The following TTLL7 variants were observed in gnomAD, a reference collection of about 807,000 sequenced individuals.
TTLL7 encodes tubulin tyrosine ligase like 7, also known as tubulin polyglutamylase TTLL7.
In TTLL7, 53 loss-of-function variants were observed where a neutral mutation model predicts 120.2. That is an observed-to-expected ratio of 0.44 (90% confidence interval 0.35 to 0.55). TTLL7 has a LOEUF of 0.55. Among genes scored for constraint, TTLL7 ranks in the 20% least tolerant of loss-of-function variants. TTLL7 has a pLI of 0.00. For synonymous variants in TTLL7, 353 were observed against 351.7 expected (o/e 1.00, Z -0.04); for missense variants, 803 against 1,054.7 (o/e 0.76, Z 3.31).
chr1:83,924,429 T>C (rs1371917091), intron 10 of TTLL7, among the ~76,000 whole-genome samples: 1 of 152,188 alleles, frequency 6.6e-6, no homozygotes, highest in Non-Finnish European at 1.5e-5. Context: ...ATTGAAGAAC[T>C]TGAAAACATT....
chr1:83,970,455 G>A (rs941328972), intron 1 of TTLL7, among the ~76,000 whole-genome samples: 1 of 152,054 alleles, frequency 6.6e-6, no homozygotes, highest in Non-Finnish European at 1.5e-5. Flanking sequence ...CCTTAGAAAT[G>A]AACAGAAAGA....
chr1:83,947,482 A>T, intron 5 of TTLL7, 200 bp from the exon 6 acceptor site: 1 of 463,972 alleles, frequency 2.2e-6, no homozygotes, highest in Non-Finnish European at 3.7e-6. Context: ...TGGATTCATC[A>T]GTGAAAAAAA....
chr1:83,883,107 C>T lies in TTLL7; in HGVS notation c.2399G>A (p.Ser800Asn), dbSNP rs2100710530. The T allele has an allele frequency of 6.2e-7, 1 of 1,609,302 alleles. No homozygotes were observed. Among genetic ancestry groups the T allele is most frequent in the Non-Finnish European group, 8.5e-7 (1 of 1,177,826 alleles). Residue 800 changes from serine to asparagine, a missense_variant, in exon 20 of 21, where the codon AGC (serine) becomes AAC (asparagine). Around this residue, in one of 3 missense-constraint regions of TTLL7, gnomAD observed 388 missense variants for 450.4 expected, o/e 0.86. Coordinates refer to ENST00000260505, the MANE Select transcript of TTLL7 (RefSeq NM_024686.6). Reference protein sequence around the residue: ...GSSWESIFNKSPEVVTPLQLQ... With the variant: ...GSSWESIFNKNPEVVTPLQLQ... ...CTGCAAAGGAGTCACCACCTCCGGG[C>T]TTTTATTGAATATACTCTCCCAAGA...
intron 4 of TTLL7, chr1:83,949,455 T>C (rs1234181581): frequency 6.0e-6 from 1 of 165,342 alleles, no homozygotes; most frequent in African/African-American, 2.4e-5. Flanking sequence ...GCCTCCTGAG[T>C]AGCTGGGACT....
At chr1:83,925,036 A>C (rs539397055) in intron 10 of TTLL7, among the ~76,000 whole-genome samples, 1 of 152,304 alleles carries the variant, frequency 6.6e-6, no homozygotes, top group Admixed American at 6.5e-5. Context: ...AGAGTATCAG[A>C]GCTTATAAAT....
At chr1:83,879,450 G>T (rs535545702) in intron 20 of TTLL7, among the ~76,000 whole-genome samples, 19 of 152,064 alleles carry the variant, frequency 1.2e-4, no homozygotes, top group Admixed American at 9.9e-4. Flanking sequence ...CTGCCTTTCT[G>T]CAGTGAGGAT....
intron 1 of TTLL7, among the ~76,000 whole-genome samples, chr1:83,962,873 G>A (rs1312024605): frequency 6.6e-6 from 1 of 152,120 alleles, no homozygotes; most frequent in East Asian, 1.9e-4. Flanking sequence ...TCCAGAGAAA[G>A]TAAACCTCCA....
chr1:83,884,435 T>C (rs1654796196), intron 19 of TTLL7, among the ~76,000 whole-genome samples: 1 of 151,884 alleles, frequency 6.6e-6, no homozygotes, highest in Non-Finnish European at 1.5e-5. Flanking sequence ...AATAGAAATG[T>C]ATTTTTTCTA....
intron 1 of TTLL7, among the ~76,000 whole-genome samples, chr1:83,972,319 GT>G: frequency 1.3e-5 from 2 of 152,030 alleles, no homozygotes; most frequent in Middle Eastern, 3.4e-3. Context: ...TATCTCCACA[GT>G]TTTGTCTTTT....
At position 83,937,173 on chromosome 1, in the gene TTLL7, T is replaced by C. The variant is rs116072334; in HGVS notation, c.888+679A>G. Among the ~76,000 whole-genome samples the C allele has an allele frequency of 5.1e-3, 771 of 152,160 alleles. 4 individuals carry two copies. Among genetic ancestry groups the C allele is most frequent in the African/African-American group, 0.018 (728 of 41,520 alleles). On this transcript the variant is annotated intron_variant, in intron 8 of 20. Coordinates refer to ENST00000260505, the MANE Select transcript of TTLL7 (RefSeq NM_024686.6). ...TTTAGATATACAATCTTTACCATTG[T>C]ATTACAATCGCCTACACTATTCAGT... is the stretch of plus-strand genomic sequence containing the variant.
intron 18 of TTLL7, among the ~76,000 whole-genome samples, chr1:83,897,949 T>C (rs968583961): frequency 1.3e-5 from 2 of 151,404 alleles, no homozygotes; most frequent in Non-Finnish European, 1.5e-5. Context: ...AAGCTTTCAA[T>C]GATTATTGAC....
intron 16 of TTLL7, among the ~76,000 whole-genome samples, chr1:83,906,882 T>A (rs926867072): frequency 6.6e-6 from 1 of 152,016 alleles, no homozygotes; most frequent in Non-Finnish European, 1.5e-5. Flanking sequence ...AAATCCTTAG[T>A]CTATGTGAAG....
chr1:83,901,756 G>T (rs1656743949), intron 18 of TTLL7, among the ~76,000 whole-genome samples: 1 of 151,880 alleles, frequency 6.6e-6, no homozygotes, highest in Non-Finnish European at 1.5e-5. Flanking sequence ...GTGCAACAGT[G>T]AGTTCAGCTT....
At chr1:83,965,893 T>G (rs530338160) in intron 1 of TTLL7, among the ~76,000 whole-genome samples, 1 of 152,094 alleles carries the variant, frequency 6.6e-6, no homozygotes, top group Non-Finnish European at 1.5e-5. Context: ...TAGGTAGTAA[T>G]TGGTGAGAAT....
intron 6 of TTLL7, among the ~76,000 whole-genome samples, chr1:83,944,321 A>T (rs1648265557): frequency 6.6e-6 from 1 of 152,238 alleles, no homozygotes; most frequent in Non-Finnish European, 1.5e-5. Flanking sequence ...ACCTCCAAGT[A>T]GGATAAACTC....
intron 1 of TTLL7, among the ~76,000 whole-genome samples, chr1:83,969,225 G>A (rs1384877696): frequency 6.6e-6 from 1 of 151,788 alleles, no homozygotes; most frequent in Non-Finnish European, 1.5e-5. Context: ...CAGATTTCCA[G>A]AGAGAATACA....
chr1:83,912,562 T>C (rs1290101126), intron 14 of TTLL7: 2 of 152,118 alleles, frequency 1.3e-5, no homozygotes, highest in African/African-American at 4.8e-5. Flanking sequence ...AATCCTTGGA[T>C]AGCATGGGGA....
At position 83,919,776 on chromosome 1, in the gene TTLL7, C is replaced by T; in HGVS notation, c.1423G>A (p.Val475Ile). The change falls in exon 13 of 21, where the codon GTT becomes ATT. Residue 475 changes from valine (V) to isoleucine (I), a missense_variant. Physicochemically the swap from Val to Ile is conservative, Grantham distance 29 (BLOSUM62 3). Transcript: ENST00000260505. ...LLEKYENLLA[V>I]AFQTFLSGRA... Reference sequence around the variant, plus strand: ...CCTGAAAGGAAGGTCTGAAAGGCAACAGCTAACAAATTTTCATACTTTTCA... The same window carrying T: ...CCTGAAAGGAAGGTCTGAAAGGCAATAGCTAACAAATTTTCATACTTTTCA... The T allele has an allele frequency of 6.2e-7, 1 of 1,613,052 alleles. No individual in the cohort carries two copies. The highest frequency in any genetic ancestry group is 8.5e-7 in the Non-Finnish European group (1 of 1,179,440).
In TTLL7 at chr1:83,969,516, TATA is replaced by T. The variant is rs1650782937; in HGVS notation, c.-176-17132_-176-17130del. ...TTAGTCTCCTTCTTTGAAGGTGGCC[TATA>T]ATGTTTGTCTCTCTAGACCATCACT... On this transcript the variant is annotated intron_variant, in intron 1 of 20. Transcript: ENST00000260505. 5.9e-5 allele frequency among the ~76,000 whole-genome samples: 9 copies of T among 152,090 alleles called. No homozygotes were observed. The South Asian group carries it at 1.9e-3, about 32-fold the overall frequency.
Sources: gnomAD v4.1 joint callset for allele counts (sites outside exome capture counted in the v4.1 genomes callset) on GRCh38, gnomAD v4.1.1 for gene constraint, gnomAD v4.1.1 regional missense constraint, MANE v1.5 for transcripts, NCBI Gene and HGNC (gene_info 2026-07-23, HGNC 2026-07-21) for gene names.